NCAM2: variants seen among roughly 807,000 people sequenced by gnomAD.
NCAM2 encodes the protein neural cell adhesion molecule 2, also known as N-CAM-2.
A neutral mutation model predicts 98.1 loss-of-function variants in NCAM2; 30 were observed. The ratio of observed to expected loss-of-function variants is 0.31; its 90% CI spans 0.23 to 0.41. The LOEUF (loss-of-function observed/expected upper bound fraction) is 0.41, where lower values mean the gene tolerates loss of function less well. NCAM2 is among the 10% of genes least tolerant of loss of function. The pLI is 1.00. For synonymous variants in NCAM2, 368 were observed against 342.4 expected, an observed-to-expected ratio of 1.07 and a Z score of -0.83; for missense variants, 867 against 1,005.8, an observed-to-expected ratio of 0.86 and a Z score of 1.87.
chr21:21,229,174 T>C (rs2070514741), intron 1 of NCAM2, among the ~76,000 whole-genome samples: 1 of 151,540 alleles, frequency 6.6e-6, no homozygotes, highest in Non-Finnish European at 1.5e-5. Context: ...GGGATTTTAA[T>C]TTATCAAAAT....
intron 1 of NCAM2, among the ~76,000 whole-genome samples, chr21:21,259,165 T>C (rs930196585): frequency 6.6e-5 from 10 of 151,724 alleles, no homozygotes; most frequent in Non-Finnish European, 1.5e-5. Flanking sequence ...ACAAAAAGAG[T>C]GGGGCCCAAC....
chr21:21,418,419 T>C, intron 10 of NCAM2, 54 bp from the exon 11 acceptor site: 3 of 1,364,942 alleles, frequency 2.2e-6, no homozygotes, highest in South Asian at 1.2e-5. Context: ...GGGTTTATTA[T>C]AAAACTTCTG....
In NCAM2 at chr21:21,538,516, G is replaced by A. The variant is rs1253480372; in HGVS notation, c.*559G>A. 1 of 152,484 alleles carries A rather than the reference G, an allele frequency of 6.6e-6. No homozygotes were observed. The highest frequency in any genetic ancestry group is 2.4e-5 in the African/African-American group (1 of 41,408). The allele number at this position is 152,484 out of a possible 1,614,324, so 9.4% of individuals were successfully genotyped here. A position where few individuals can be genotyped will look rare whatever the true frequency, so the allele number is the denominator to read the frequency against. ...GATATTAAAAATTGAAAACTTTGGA[G>A]AACTCATTTCAAGTTATGATTCAGT... On this transcript the variant is annotated 3_prime_UTR_variant, in exon 18 of 18. Transcript: ENST00000400546.
intron 16 of NCAM2, 142 bp downstream of exon 16, chr21:21,509,197 C>T: frequency 1.4e-6 from 1 of 690,792 alleles, no homozygotes; most frequent in Non-Finnish European, 2.4e-6. Flanking sequence ...TGCCTGCTCT[C>T]TGACCTTGAA....
intron 1 of NCAM2, among the ~76,000 whole-genome samples, chr21:21,224,197 A>G (rs1037229388): frequency 6.6e-6 from 1 of 152,198 alleles, no homozygotes; most frequent in Non-Finnish European, 1.5e-5. Context: ...TAAGACTTGA[A>G]GGTTTTTCAC....
chr21:21,024,846 C>T (rs113603250), intron 1 of NCAM2, among the ~76,000 whole-genome samples: 1,793 of 151,330 alleles, frequency 0.012, 28 homozygotes, highest in African/African-American at 0.041. Context: ...GAGATCACAC[C>T]ACTTCACTCC....
chr21:21,100,687 G>T (rs572507105), intron 1 of NCAM2, among the ~76,000 whole-genome samples: 1 of 151,994 alleles, frequency 6.6e-6, no homozygotes, highest in African/African-American at 2.4e-5. Flanking sequence ...TGGCTTGTGG[G>T]TGTAGTTGGC....
intron 5 of NCAM2, among the ~76,000 whole-genome samples, chr21:21,300,550 T>C (rs1349210965): frequency 6.9e-6 from 1 of 144,306 alleles, no homozygotes; most frequent in Non-Finnish European, 1.6e-5. Context: ...CTCTTTACAA[T>C]GTACCTTTCA....
rs917893221 is a variant in NCAM2, at chr21:21,458,329, C to T, written c.1655-8277C>T. ...ACAATGTGCCCCCAGGCCCTGGGAG[C>T]GTGGCTGCCTCCACGTGGATTTCAG... On this transcript the variant is annotated intron_variant, in intron 12 of 17. Coordinates refer to ENST00000400546, the MANE Select transcript of NCAM2 (RefSeq NM_004540.5). 7.2e-5 allele frequency among the ~76,000 whole-genome samples: 11 copies of T among 152,324 alleles called. No homozygotes were observed. In the East Asian group the frequency reaches 7.7e-4, roughly 11 times the overall value.
At chr21:21,489,239 C>T (rs1414915910) in intron 15 of NCAM2, among the ~76,000 whole-genome samples, 1 of 152,222 alleles carries the variant, frequency 6.6e-6, no homozygotes, top group African/African-American at 2.4e-5. Flanking sequence ...AATTGATCCT[C>T]CTGCTTCAGC....
chr21:21,068,734 A>T (rs1390991384), intron 1 of NCAM2, among the ~76,000 whole-genome samples: 1 of 152,142 alleles, frequency 6.6e-6, no homozygotes, highest in African/African-American at 2.4e-5. Context: ...TTGCATTTGT[A>T]TGCAATGACC....
chr21:21,400,000 C>T (rs2076594660), intron 9 of NCAM2, among the ~76,000 whole-genome samples: 1 of 151,894 alleles, frequency 6.6e-6, no homozygotes, highest in South Asian at 2.1e-4. Flanking sequence ...CTCTAAATCT[C>T]AGAATAAGAA....
intron 9 of NCAM2, among the ~76,000 whole-genome samples, chr21:21,401,060 T>G (rs183067049): frequency 1.2e-4 from 19 of 152,246 alleles, no homozygotes; most frequent in African/African-American, 4.6e-4. Context: ...GGTCACATCT[T>G]TTCTACTTGA....
intron 1 of NCAM2, among the ~76,000 whole-genome samples, chr21:21,116,898 T>C (rs1036548771): frequency 1.3e-5 from 2 of 151,906 alleles, no homozygotes; most frequent in Non-Finnish European, 2.9e-5. Flanking sequence ...CATTGGACTT[T>C]ACAAATACTT....
chr21:21,378,935 A>G lies in NCAM2; in HGVS notation c.1195+4922A>G, dbSNP rs529093104. Among the ~76,000 whole-genome samples the G allele has an allele frequency of 4.6e-5, 7 of 151,764 alleles. No homozygotes were observed. In the South Asian group the frequency reaches 8.3e-4, roughly 18 times the overall value. On this transcript the variant is annotated intron_variant, in intron 9 of 17. Coordinates refer to ENST00000400546, the MANE Select transcript of NCAM2 (RefSeq NM_004540.5). ...GTCGTCTAGTTTATTAAATTTATCA[A>G]ACTGGACTTTTACATGTTATACGGT...
chr21:21,182,869 C>T (rs761510915), intron 1 of NCAM2, among the ~76,000 whole-genome samples: 3 of 152,132 alleles, frequency 2.0e-5, no homozygotes, highest in Non-Finnish European at 4.4e-5. Flanking sequence ...GTTTTAGTCA[C>T]TTACTCAAAG....
At chr21:21,496,726 C>T (rs180930025) in intron 15 of NCAM2, among the ~76,000 whole-genome samples, 30 of 152,162 alleles carry the variant, frequency 2.0e-4, no homozygotes, top group African/African-American at 7.2e-4. Flanking sequence ...GGTTGTCGTC[C>T]AGGATTTTTA....
intron 1 of NCAM2, among the ~76,000 whole-genome samples, chr21:21,009,179 G>A (rs565221791): frequency 1.0e-3 from 152 of 152,124 alleles, no homozygotes; most frequent in African/African-American, 3.5e-3. Flanking sequence ...AATATTACCC[G>A]GCAGAAGCCA....
chr21:21,277,640 G>A lies in NCAM2; in HGVS notation c.56-2938G>A, dbSNP rs190219601. Among the ~76,000 whole-genome samples the A allele has an allele frequency of 1.7e-3, 258 of 152,132 alleles. 1 individual carries two copies. Among genetic ancestry groups the A allele is most frequent in the African/African-American group, 5.9e-3 (245 of 41,530 alleles). On this transcript the variant is annotated intron_variant, in intron 1 of 17. Transcript: ENST00000400546. ...GCAGAAGCATTGGAAATGAGTAATA[G>A]CAAATAAACTTGGAAAGGCAAGTTT...
Sources: allele counts gnomAD v4.1 joint callset (sites outside exome capture counted in the v4.1 genomes callset), GRCh38; gene constraint gnomAD v4.1.1; transcripts MANE v1.5; gene names NCBI Gene and HGNC (gene_info 2026-07-23, HGNC 2026-07-21).